Variants in RBFOX3 observed in about 807,000 individuals in gnomAD.
RBFOX3 encodes RNA binding protein fox-1 homolog 3.
RBFOX3 carries 17 observed loss-of-function variants against 48.7 expected under a neutral mutation model. The observed-to-expected ratio is 0.35, with a 90% CI of 0.24 to 0.52. The LOEUF (loss-of-function observed/expected upper bound fraction) is 0.52, where lower values mean the gene tolerates loss of function less well. Among genes scored for constraint, RBFOX3 ranks in the 20% least tolerant of loss-of-function variants. The pLI is 0.94. For synonymous variants in RBFOX3, 212 were observed against 209.5 expected, an observed-to-expected ratio of 1.01 and a Z score of -0.10; for missense variants, 382 against 497.5, an observed-to-expected ratio of 0.77 and a Z score of 2.21.
chr17:79,370,101 G>C (rs2058314987), intron 2 of RBFOX3, among the ~76,000 whole-genome samples: 1 of 152,150 alleles, frequency 6.6e-6, no homozygotes, highest in African/African-American at 2.4e-5. Context: ...CTGCTCTGTG[G>C]TGACCAGGTC....
At chr17:79,337,117 C>CT in intron 2 of RBFOX3, among the ~76,000 whole-genome samples, 1 of 151,876 alleles carries the variant, frequency 6.6e-6, no homozygotes, top group African/African-American at 2.4e-5. Context: ...GACTCCATCT[C>CT]AAAAAATAAA....
chr17:79,593,447 C>G (rs1055216937), intron 1 of RBFOX3, among the ~76,000 whole-genome samples: 1 of 152,152 alleles, frequency 6.6e-6, no homozygotes, highest in South Asian at 2.1e-4. Flanking sequence ...AATAAGCCTC[C>G]TCCTTATTAC....
At chr17:79,432,076 G>A (rs1336457628) in intron 2 of RBFOX3, among the ~76,000 whole-genome samples, 3 of 152,162 alleles carry the variant, frequency 2.0e-5, no homozygotes, top group Admixed American at 6.5e-5. Context: ...CTTCTCTTAC[G>A]GAGGCATCAC....
chr17:79,241,626 G>A (rs2062394031), intron 3 of RBFOX3, among the ~76,000 whole-genome samples: 1 of 152,182 alleles, frequency 6.6e-6, no homozygotes, highest in Non-Finnish European at 1.5e-5. Flanking sequence ...TCTGAAGCAG[G>A]GAGATGGTTT....
At chr17:79,528,692 G>A (rs933451055) in intron 1 of RBFOX3, among the ~76,000 whole-genome samples, 1 of 152,074 alleles carries the variant, frequency 6.6e-6, no homozygotes, top group Non-Finnish European at 1.5e-5. Context: ...GGAAGGCCGT[G>A]TGAAGATGGA....
chr17:79,155,330 G>A (rs1019775560), intron 4 of RBFOX3, among the ~76,000 whole-genome samples: 18 of 152,170 alleles, frequency 1.2e-4, no homozygotes, highest in African/African-American at 3.6e-4. Flanking sequence ...TCCCCTCCCC[G>A]CTCCTCGGGC....
intron 3 of RBFOX3, among the ~76,000 whole-genome samples, chr17:79,272,146 T>C (rs1012712501): frequency 6.6e-6 from 1 of 152,184 alleles, no homozygotes; most frequent in Non-Finnish European, 1.5e-5. Context: ...TGGGGCTCCC[T>C]GCTGGAGAGA....
rs2076429641 is a variant in RBFOX3 at position 79,101,513 on chromosome 17, C to T, written c.568+71G>A. ...ATCCAGGAAGGTCAGCCTGCAGCAG[C>T]CTCAGCTCCCCCAGGGCCTCTGTCC... is the stretch of plus-strand genomic sequence containing the variant. On this transcript the variant is annotated intron_variant, in intron 9 of 14. Transcript: ENST00000693108. The T allele has an allele frequency of 4.4e-6, 6 of 1,366,130 alleles. No homozygotes were observed. The Admixed American group carries it at 9.9e-5, about 22-fold the overall frequency. 84.6% of individuals were successfully genotyped at this position (1,366,130 alleles called of 1,614,324 possible).
upstream of RBFOX3, among the ~76,000 whole-genome samples, chr17:79,614,260 C>T (rs1212087301): frequency 6.6e-6 from 1 of 152,242 alleles, no homozygotes. Flanking sequence ...GCCTGGGGGC[C>T]GCCAGACACT....
the RBFOX3 span, among the ~76,000 whole-genome samples, chr17:79,653,800 T>C: frequency 0.67 from 98,686 of 146,744 alleles, 36,907 homozygotes; most frequent in Non-Finnish European, 0.83. Flanking sequence ...TCCAGCACTT[T>C]GGGAGGCTGA....
intron 2 of RBFOX3, among the ~76,000 whole-genome samples, chr17:79,378,577 G>A (rs772589712): frequency 2.6e-5 from 4 of 152,168 alleles, no homozygotes; most frequent in African/African-American, 7.2e-5. Flanking sequence ...TCGGATGGGT[G>A]GGCTGAGCCC....
intron 1 of RBFOX3, among the ~76,000 whole-genome samples, chr17:79,552,888 G>T (rs1204413416): frequency 6.6e-6 from 1 of 152,112 alleles, no homozygotes; most frequent in Non-Finnish European, 1.5e-5. Context: ...TACCTTGTTG[G>T]TTGTAGTAGT....
Position 79,556,794 on chromosome 17 carries a change from G to A in RBFOX3, c.-320+54032C>T, listed in dbSNP as rs1207880062. 2.6e-5 allele frequency among the ~76,000 whole-genome samples: 4 copies of A among 152,284 alleles called. No individual in the cohort carries two copies. In the East Asian group the frequency reaches 7.7e-4, roughly 29 times the overall value. On this transcript the variant is annotated intron_variant, in intron 1 of 14. Transcript: ENST00000693108. ...TTCCTAGGAAGGGAGGGACTTTCTG[G>A]AGGCACAGAGTCCACCGAAGGGGAG...
chr17:79,126,114 C>T (rs2037187911), intron 4 of RBFOX3, among the ~76,000 whole-genome samples: 1 of 152,252 alleles, frequency 6.6e-6, no homozygotes, highest in Non-Finnish European at 1.5e-5. Context: ...AGCCCCTCAC[C>T]CCCTCCCCAC....
At chr17:79,393,232 C>T (rs944243231) in intron 2 of RBFOX3, among the ~76,000 whole-genome samples, 2 of 152,236 alleles carry the variant, frequency 1.3e-5, no homozygotes, top group South Asian at 2.1e-4. Context: ...GTTCCACCCG[C>T]GTAGCCGCCT....
intron 2 of RBFOX3, among the ~76,000 whole-genome samples, chr17:79,327,934 T>C (rs2079586410): frequency 6.6e-6 from 1 of 152,198 alleles, no homozygotes; most frequent in African/African-American, 2.4e-5. Context: ...GACCTCACAA[T>C]CCACCTACCT....
chr17:79,121,143 C>T (rs897969863), intron 4 of RBFOX3, among the ~76,000 whole-genome samples: 5 of 152,100 alleles, frequency 3.3e-5, no homozygotes, highest in South Asian at 2.1e-4. Context: ...CTCCCTGCCT[C>T]GTCACCTACA....
chr17:79,625,320 C>T, the RBFOX3 span, among the ~76,000 whole-genome samples: 1 of 152,206 alleles, frequency 6.6e-6, no homozygotes, highest in Admixed American at 6.5e-5. Flanking sequence ...GAGATGCGGC[C>T]ATGCCCTTGC....
intron 1 of RBFOX3, among the ~76,000 whole-genome samples, chr17:79,604,978 C>T (rs2093794251): frequency 6.6e-6 from 1 of 152,148 alleles, no homozygotes; most frequent in Non-Finnish European, 1.5e-5. Context: ...ACCTGGACTC[C>T]AGGGACACCA....
Sources: gnomAD v4.1 joint callset for allele counts (sites outside exome capture counted in the v4.1 genomes callset) on GRCh38, gnomAD v4.1.1 for gene constraint, MANE v1.5 for transcripts, NCBI Gene and HGNC (gene_info 2026-07-23, HGNC 2026-07-21) for gene names.